Variants in MYO1D observed in about 807,000 individuals in gnomAD.
MYO1D encodes myosin ID.
MYO1D carries 83 observed loss-of-function variants against 122.0 expected under a neutral mutation model. The observed-to-expected ratio is 0.68, with a 90% CI of 0.57 to 0.82. MYO1D has a LOEUF of 0.82. Among genes scored for constraint, MYO1D ranks in the 40% least tolerant of loss-of-function variants. The pLI is 0.00. For synonymous variants in MYO1D, 464 were observed against 446.9 expected (o/e 1.04, Z -0.48); for missense variants, 1,157 against 1,269.5 (o/e 0.91, Z 1.35).
chr17:32,857,250 T>C (rs991976020), intron 1 of MYO1D, among the ~76,000 whole-genome samples: 1 of 152,202 alleles, frequency 6.6e-6, no homozygotes, highest in Non-Finnish European at 1.5e-5. Context: ...AATCTAATCC[T>C]GTCTTCCCAA....
chr17:32,831,323 T>C (rs2090769775), intron 1 of MYO1D, among the ~76,000 whole-genome samples: 1 of 152,224 alleles, frequency 6.6e-6, no homozygotes, highest in Non-Finnish European at 1.5e-5. Flanking sequence ...CTGTCTTAGA[T>C]CACGCTGAGT....
intron 21 of MYO1D, among the ~76,000 whole-genome samples, chr17:32,500,116 G>A (rs1285518667): frequency 1.3e-5 from 2 of 152,234 alleles, no homozygotes; most frequent in Non-Finnish European, 2.9e-5. Flanking sequence ...GTGCTGCCCT[G>A]CACACAGGAG....
intron 21 of MYO1D, among the ~76,000 whole-genome samples, chr17:32,598,982 C>T (rs907191410): frequency 6.6e-5 from 10 of 152,162 alleles, no homozygotes; most frequent in African/African-American, 9.7e-5. Flanking sequence ...TTGATGTTGA[C>T]GGCTGCTTAC....
intron 13 of MYO1D, among the ~76,000 whole-genome samples, chr17:32,741,559 T>C (rs2089772569): frequency 6.6e-6 from 1 of 152,180 alleles, no homozygotes; most frequent in Non-Finnish European, 1.5e-5. Context: ...TTTATCTAAG[T>C]TCCTTTGTTC....
chr17:32,619,326 A>G (rs1022608586), intron 20 of MYO1D, among the ~76,000 whole-genome samples: 15 of 152,218 alleles, frequency 9.9e-5, no homozygotes, highest in Non-Finnish European at 2.2e-4. Flanking sequence ...TGAGATAATC[A>G]AATTCATCAC....
intron 1 of MYO1D, among the ~76,000 whole-genome samples, chr17:32,809,430 C>CT (rs2090549710): frequency 8.1e-6 from 1 of 124,114 alleles, no homozygotes; most frequent in Non-Finnish European, 1.7e-5. Flanking sequence ...CTGGCCTAGG[C>CT]CTTTTTTTTT....
intron 16 of MYO1D, among the ~76,000 whole-genome samples, chr17:32,687,364 T>G (rs2089032124): frequency 6.6e-6 from 1 of 152,082 alleles, no homozygotes; most frequent in African/African-American, 2.4e-5. Context: ...GCCCGGCTAA[T>G]TTTTTGTATT....
intron 20 of MYO1D, among the ~76,000 whole-genome samples, chr17:32,624,051 T>C (rs2087889155): frequency 6.6e-6 from 1 of 152,184 alleles, no homozygotes; most frequent in Non-Finnish European, 1.5e-5. Context: ...TAAAAAACTC[T>C]AATGGCAGAA....
In MYO1D at chr17:32,507,936, G is replaced by T. The variant is rs575938852; in HGVS notation, c.2865-13021C>A. 1.3e-4 allele frequency among the ~76,000 whole-genome samples: 17 copies of T among 133,758 alleles called. 1 individual carries two copies. Among genetic ancestry groups the T allele is most frequent in the African/African-American group, 4.9e-4 (17 of 34,682 alleles). The allele number at this position is 133,758 out of a possible 152,430, so 87.8% of individuals were successfully genotyped here. A position where few individuals can be genotyped will look rare whatever the true frequency, so the allele number is the denominator to read the frequency against. ...TTTTGAGACGGAGTCTCGCTCTGTC[G>T]CCCAGGCTAGAGGGCAATGGCGCGA... On this transcript the variant is annotated intron_variant, in intron 21 of 21. Coordinates refer to ENST00000318217, the MANE Select transcript of MYO1D (RefSeq NM_015194.3).
At chr17:32,786,386 C>T (rs897556028) in intron 1 of MYO1D, among the ~76,000 whole-genome samples, 2 of 152,180 alleles carry the variant, frequency 1.3e-5, no homozygotes, top group African/African-American at 4.8e-5. Flanking sequence ...CTCAGACATA[C>T]ATAGGGAACT....
rs146786484 is a variant in MYO1D, at chr17:32,829,753, T to C, written c.95+47025A>G. On this transcript the variant is annotated intron_variant, in intron 1 of 21. Transcript: ENST00000318217. ...ACAGGTGTGAGCCACCAAGCCCGGC[T>C]TCATGTTGTTTTTTAAACTAACAAG... 9.9e-5 allele frequency among the ~76,000 whole-genome samples: 15 copies of C among 152,200 alleles called. No homozygotes were observed. In the East Asian group the frequency reaches 2.3e-3, roughly 23 times the overall value.
chr17:32,852,040 T>C (rs186032756), intron 1 of MYO1D, among the ~76,000 whole-genome samples: 20 of 152,364 alleles, frequency 1.3e-4, no homozygotes, highest in African/African-American at 4.8e-4. Context: ...TTTTATTGAC[T>C]CTTCTTCCCC....
In MYO1D at chr17:32,766,433, C is replaced by T. The variant is rs539433439; in HGVS notation, c.831+1203G>A. Among the ~76,000 whole-genome samples, 7 of 152,118 alleles carry T rather than the reference C, an allele frequency of 4.6e-5. 1 individual carries two copies. In the South Asian group the frequency reaches 6.2e-4, roughly 14 times the overall value. On this transcript the variant is annotated intron_variant, in intron 7 of 21. Transcript: ENST00000318217. Reference sequence around the variant, plus strand: ...CTCTCCTCCCTTACCCTACCCTATACGACACTTCTTTAATATACTTTATTT... The same window carrying T: ...CTCTCCTCCCTTACCCTACCCTATATGACACTTCTTTAATATACTTTATTT...
chr17:32,572,736 C>A (rs961017178), intron 21 of MYO1D, among the ~76,000 whole-genome samples: 1 of 152,132 alleles, frequency 6.6e-6, no homozygotes, highest in African/African-American at 2.4e-5. Context: ...GCAACACAGG[C>A]ACTTATCGTT....
At chr17:32,779,498 T>TATA (rs1379825167) in intron 2 of MYO1D, among the ~76,000 whole-genome samples, 1 of 151,070 alleles carries the variant, frequency 6.6e-6, no homozygotes, top group Non-Finnish European at 1.5e-5. Flanking sequence ...ATATTTATAA[T>TATA]ATAATTACAC....
chr17:32,816,750 G>A (rs2090616640), intron 1 of MYO1D, among the ~76,000 whole-genome samples: 1 of 152,110 alleles, frequency 6.6e-6, no homozygotes, highest in African/African-American at 2.4e-5. Context: ...CACCTCAACT[G>A]CAGATATTAT....
At chr17:32,565,332 TGC>T (rs2087162714) in intron 21 of MYO1D, among the ~76,000 whole-genome samples, 1 of 152,158 alleles carries the variant, frequency 6.6e-6, no homozygotes, top group Non-Finnish European at 1.5e-5. Flanking sequence ...GTGCAAAAAC[TGC>T]TCCTTTAAGA....
chr17:32,745,877 T>C (rs1280636554), intron 12 of MYO1D, among the ~76,000 whole-genome samples: 7 of 152,012 alleles, frequency 4.6e-5, no homozygotes, highest in African/African-American at 7.3e-5. Context: ...AAGATTGCAG[T>C]TGGTGAGAAG....
chr17:32,614,257 C>T (rs1379185175), intron 20 of MYO1D, among the ~76,000 whole-genome samples: 3 of 149,686 alleles, frequency 2.0e-5, no homozygotes, highest in Non-Finnish European at 4.4e-5. Context: ...TCCATGCCCC[C>T]GCCCCCCACA....
Sources: gnomAD v4.1 joint callset for allele counts (sites outside exome capture counted in the v4.1 genomes callset) on GRCh38, gnomAD v4.1.1 for gene constraint, MANE v1.5 for transcripts, NCBI Gene and HGNC (gene_info 2026-07-23, HGNC 2026-07-21) for gene names.